Variants in RPS6KC1 observed in about 807,000 individuals in gnomAD.
RPS6KC1 encodes the protein ribosomal protein S6 kinase C1.
In RPS6KC1, 54 loss-of-function variants were observed where a neutral mutation model predicts 103.8. The observed-to-expected ratio is 0.52, with a 90% CI of 0.42 to 0.65. The LOEUF (loss-of-function observed/expected upper bound fraction) is 0.65, where lower values mean the gene tolerates loss of function less well. RPS6KC1 is among the 30% of genes least tolerant of loss of function. RPS6KC1 has a pLI of 0.00. For synonymous variants in RPS6KC1, 439 were observed against 438.7 expected, an observed-to-expected ratio of 1.00 and a Z score of -0.01; for missense variants, 1,151 against 1,253.8, an observed-to-expected ratio of 0.92 and a Z score of 1.24.
At chr1:213,833,582 A>G in the RPS6KC1 span, among the ~76,000 whole-genome samples, 23 of 152,242 alleles carry the variant, frequency 1.5e-4, no homozygotes, top group Admixed American at 3.3e-4. Flanking sequence ...TGGGATCTCC[A>G]CACTCATTCA....
chr1:213,349,403 G>A, the RPS6KC1 span, among the ~76,000 whole-genome samples: 1 of 152,182 alleles, frequency 6.6e-6, no homozygotes, highest in African/African-American at 2.4e-5. Flanking sequence ...GTAAGGAGAA[G>A]CAGGATGGAT....
the RPS6KC1 span, among the ~76,000 whole-genome samples, chr1:213,445,343 T>C: frequency 2.0e-5 from 3 of 152,254 alleles, no homozygotes; most frequent in Non-Finnish European, 2.9e-5. Context: ...CTTGGGTATA[T>C]ACCTAGGAGT....
the RPS6KC1 span, among the ~76,000 whole-genome samples, chr1:213,850,180 T>C: frequency 6.6e-6 from 1 of 152,204 alleles, no homozygotes; most frequent in Admixed American, 6.5e-5. Context: ...GCTCCTACCT[T>C]TAATAAGAAT....
the RPS6KC1 span, among the ~76,000 whole-genome samples, chr1:213,448,520 C>A: frequency 6.6e-6 from 1 of 152,054 alleles, no homozygotes; most frequent in Non-Finnish European, 1.5e-5. Flanking sequence ...GAGCCTCAAG[C>A]CTGGGCGGGT....
At chr1:213,542,408 A>G in the RPS6KC1 span, among the ~76,000 whole-genome samples, 1 of 152,190 alleles carries the variant, frequency 6.6e-6, no homozygotes, top group Non-Finnish European at 1.5e-5. Context: ...CAGTGTCCCC[A>G]TCTTCAGAAG....
the RPS6KC1 span, among the ~76,000 whole-genome samples, chr1:213,384,045 G>A: frequency 6.6e-6 from 1 of 152,166 alleles, no homozygotes; most frequent in Admixed American, 6.5e-5. Context: ...TGGAGGCCAA[G>A]GCAGGTGGAT....
chr1:213,367,785 T>C, the RPS6KC1 span, among the ~76,000 whole-genome samples: 4 of 150,558 alleles, frequency 2.7e-5, no homozygotes, highest in East Asian at 5.8e-4. Flanking sequence ...AAGATCTTGA[T>C]TGAAACTCTA....
the RPS6KC1 span, among the ~76,000 whole-genome samples, chr1:213,610,501 C>T: frequency 6.6e-6 from 1 of 152,156 alleles, no homozygotes; most frequent in Non-Finnish European, 1.5e-5. Flanking sequence ...ATCAGGGACA[C>T]GAGATCTGCC....
chr1:213,302,581 G>A, the RPS6KC1 span, among the ~76,000 whole-genome samples: 15 of 152,344 alleles, frequency 9.8e-5, no homozygotes, highest in Non-Finnish European at 1.5e-4. Flanking sequence ...CGCTTCCTGA[G>A]GTTACTGGAC....
At chr1:213,777,687 T>C in the RPS6KC1 span, among the ~76,000 whole-genome samples, 1 of 152,296 alleles carries the variant, frequency 6.6e-6, no homozygotes, top group Non-Finnish European at 1.5e-5. Context: ...TAAAGCAAGG[T>C]GCAATAAAAC....
chr1:213,545,140 C>T, the RPS6KC1 span, among the ~76,000 whole-genome samples: 4 of 151,842 alleles, frequency 2.6e-5, no homozygotes, highest in South Asian at 6.2e-4. Context: ...CTGAGGTGGG[C>T]GGATCATCTG....
the RPS6KC1 span, among the ~76,000 whole-genome samples, chr1:213,432,162 C>G: frequency 6.6e-6 from 1 of 152,136 alleles, no homozygotes; most frequent in African/African-American, 2.4e-5. Flanking sequence ...TTTCTAGATA[C>G]AAGTCCTATG....
the RPS6KC1 span, among the ~76,000 whole-genome samples, chr1:213,750,448 A>C: frequency 6.6e-6 from 1 of 152,224 alleles, no homozygotes; most frequent in South Asian, 2.1e-4. Context: ...CTACAGTTTA[A>C]TACAAGCTGG....
the RPS6KC1 span, among the ~76,000 whole-genome samples, chr1:213,628,037 T>C: frequency 3.8e-3 from 584 of 152,356 alleles, 2 homozygotes; most frequent in Non-Finnish European, 7.3e-3. Flanking sequence ...AATTCGGCTG[T>C]GAATCCATCT....
rs1359920581 is a variant in RPS6KC1 at position 213,129,845 on chromosome 1, A to AT, written c.796dup (p.Tyr266LeufsTer2). On this transcript the variant is annotated frameshift_variant, in exon 6 of 15. Transcript: ENST00000366960. LOFTEE classifies it high-confidence loss of function. Reference sequence around the variant, plus strand: ...GAAGACGACTATGAAGCTGCTTCTGATTTTTATAGGAAGGGAGTTGATTTA... The same window carrying AT: ...GAAGACGACTATGAAGCTGCTTCTGATTTTTTATAGGAAGGGAGTTGATTTA... 1 of 1,610,056 alleles carries AT rather than the reference A, an allele frequency of 6.2e-7. No individual in the cohort carries two copies. The highest frequency in any genetic ancestry group is 1.1e-5 in the South Asian group (1 of 90,426).
At chr1:213,400,162 G>A in the RPS6KC1 span, among the ~76,000 whole-genome samples, 4 of 151,966 alleles carry the variant, frequency 2.6e-5, no homozygotes, top group Non-Finnish European at 5.9e-5. Flanking sequence ...TTCCTCCTCA[G>A]AACTGACTGC....
chr1:213,670,052 T>G, the RPS6KC1 span, among the ~76,000 whole-genome samples: 1 of 152,146 alleles, frequency 6.6e-6, no homozygotes, highest in Non-Finnish European at 1.5e-5. Context: ...GGAAACTTTT[T>G]ATGGGTTTTA....
chr1:213,426,486 G>A, the RPS6KC1 span, among the ~76,000 whole-genome samples: 1 of 152,160 alleles, frequency 6.6e-6, no homozygotes. Flanking sequence ...GAGTAGCTCA[G>A]CCATTATTTG....
At chr1:213,853,028 C>A in the RPS6KC1 span, among the ~76,000 whole-genome samples, 1 of 152,160 alleles carries the variant, frequency 6.6e-6, no homozygotes, top group African/African-American at 2.4e-5. Flanking sequence ...CATCTTCACT[C>A]TATTTTGCAT....
Sources: allele counts gnomAD v4.1 joint callset (sites outside exome capture counted in the v4.1 genomes callset), GRCh38; gene constraint gnomAD v4.1.1; transcripts MANE v1.5; gene names NCBI Gene and HGNC (gene_info 2026-07-23, HGNC 2026-07-21).